CSE1L: variants seen among roughly 807,000 people sequenced by gnomAD.
The protein encoded by CSE1L is chromosome segregation 1 like.
In CSE1L, 24 loss-of-function variants were observed where a neutral mutation model predicts 120.4. That is an observed-to-expected ratio of 0.20 (90% CI 0.14 to 0.28). The LOEUF (loss-of-function observed/expected upper bound fraction) is 0.28, where lower values mean the gene tolerates loss of function less well. Among genes scored for constraint, CSE1L ranks in the 10% least tolerant of loss-of-function variants. The pLI, the probability that CSE1L is intolerant of heterozygous loss-of-function variation, is 1.00. For missense variants in CSE1L, 830 were observed against 1,145.2 expected (o/e 0.72, Z 3.97); for synonymous variants, 402 against 398.3 (o/e 1.01, Z -0.11).
chr20:49,095,899 G>GTA (rs1428032706), intron 24 of CSE1L, among the ~76,000 whole-genome samples: 1 of 151,922 alleles, frequency 6.6e-6, no homozygotes, highest in Non-Finnish European at 1.5e-5. Context: ...GTATATATAT[G>GTA]TATATATATT....
At chr20:49,069,657 T>A (rs2091917901) in intron 7 of CSE1L, among the ~76,000 whole-genome samples, 1 of 152,226 alleles carries the variant, frequency 6.6e-6, no homozygotes, top group Admixed American at 6.5e-5. Flanking sequence ...CTTACTTAAA[T>A]GAGTACTACT....
rs566354333 is a variant in CSE1L at position 49,076,964 on chromosome 20, T to C, written c.1336-16T>C. The C allele has an allele frequency of 1.7e-5, 26 of 1,553,620 alleles. No homozygotes were observed. The highest frequency in any genetic ancestry group is 1.2e-4 in the South Asian group (10 of 85,160). On this transcript the variant is annotated splice_polypyrimidine_tract_variant and intron_variant, in intron 12 of 24. Coordinates refer to ENST00000262982, the MANE Select transcript of CSE1L (RefSeq NM_001316.4). ...GGTATTTTGTTATTTTACTATGTTA[T>C]GAATTTGCTTTTCAGCATGGAATTA... is the stretch of plus-strand genomic sequence containing the variant.
In CSE1L at chr20:49,085,310, T is replaced by C; in HGVS notation, c.1647T>C (p.Phe549=). Residue 549 remains phenylalanine (F), a synonymous_variant, in exon 16 of 25, where the codon TTT becomes TTC. Transcript: ENST00000262982. ...TLFTAAEIAP[F]VEILLTNLFK... is the part of the protein sequence containing the mutation. Reference sequence around the variant, plus strand: ...TTACAGCTGCAGAAATCGCACCGTTTGTTGAGATTCTGCTAACAAACCTTT... The same window carrying C: ...TTACAGCTGCAGAAATCGCACCGTTCGTTGAGATTCTGCTAACAAACCTTT... 1 of 1,613,992 alleles carries C rather than the reference T, an allele frequency of 6.2e-7. No individual in the cohort carries two copies. Among genetic ancestry groups the C allele is most frequent in the East Asian group, 2.2e-5 (1 of 44,870 alleles).
intron 2 of CSE1L, among the ~76,000 whole-genome samples, chr20:49,062,945 T>G (rs1482646798): frequency 6.6e-6 from 1 of 151,990 alleles, no homozygotes; most frequent in South Asian, 2.1e-4. Flanking sequence ...GAGATGATCA[T>G]CCAATTAGGC....
Position 49,096,556 on chromosome 20 carries a change from TG to T in CSE1L, c.*119del, listed in dbSNP as rs2092142768. 2 of 760,390 alleles carry T rather than the reference TG, an allele frequency of 2.6e-6. No individual in the cohort carries two copies. The highest frequency in any genetic ancestry group is 4.4e-6 in the Non-Finnish European group (2 of 450,398). The allele number at this position is 760,390 out of a possible 1,614,324, so 47.1% of individuals were successfully genotyped here. ...TTTGAACTTGTCACGAATTCCATCT[TG>T]TAAAGGATATTAAATGTTGCTTTAA... is the stretch of plus-strand genomic sequence containing the variant. On this transcript the variant is annotated 3_prime_UTR_variant, in exon 25 of 25. Coordinates refer to ENST00000262982, the MANE Select transcript of CSE1L (RefSeq NM_001316.4).
At chr20:49,048,166 A>G (rs1224186149) in intron 1 of CSE1L, among the ~76,000 whole-genome samples, 3 of 83,572 alleles carry the variant, frequency 3.6e-5, no homozygotes, top group African/African-American at 1.8e-4. Flanking sequence ...TTTTTTTTTG[A>G]CATGCTTTCA....
rs766094789 is a variant in CSE1L at position 49,063,311 on chromosome 20, A to G, written c.195A>G (p.Thr65=). 2.0e-6 allele frequency: 3 copies of G among 1,530,058 alleles called. No homozygotes were observed. Among genetic ancestry groups the G allele is most frequent in the Non-Finnish European group, 2.7e-6 (3 of 1,130,562 alleles). The allele number at this position is 1,530,058 out of a possible 1,614,324, so 94.8% of individuals were successfully genotyped here. The change falls in exon 3 of 25, where the codon ACA becomes ACG. Residue 65 remains threonine (T), a synonymous_variant. Coordinates refer to ENST00000262982, the MANE Select transcript of CSE1L (RefSeq NM_001316.4). ...DNVIKVCASV[T]FKNYIKRNWR... is the part of the protein sequence containing the mutation. ...TTATCAAAGTATGTGCTTCAGTAAC[A>G]TTCAAAAACTATATTAAAAGGAACT...
Position 49,077,030 on chromosome 20 carries a change from G to T in CSE1L, c.1386G>T (p.Val462=). 6.2e-7 allele frequency: 1 copy of T among 1,607,422 alleles called. No homozygotes were observed. Among genetic ancestry groups the T allele is most frequent in the South Asian group, 1.1e-5 (1 of 89,306 alleles). Residue 462 remains valine (V), a synonymous_variant, in exon 13 of 25, where the codon GTG becomes GTT. Transcript: ENST00000262982. ...NELVNLTEFF[V]NHILPDLKSA... ...TTGTAAACCTAACTGAGTTCTTTGT[G>T]AATCACATCCTCCCTGATTTAAAAT...
chr20:49,049,168 G>A (rs2091744946), intron 1 of CSE1L, among the ~76,000 whole-genome samples: 1 of 152,002 alleles, frequency 6.6e-6, no homozygotes, highest in African/African-American at 2.4e-5. Flanking sequence ...GTTACGTGGA[G>A]AAAGAAAAGT....
chr20:49,087,753 C>T (rs1340781568), intron 16 of CSE1L, among the ~76,000 whole-genome samples: 1 of 152,140 alleles, frequency 6.6e-6, no homozygotes, highest in East Asian at 1.9e-4. Context: ...TCTTAGTCAA[C>T]CTCTTTAATT....
intron 12 of CSE1L, among the ~76,000 whole-genome samples, chr20:49,076,199 TG>T (rs2091967128): frequency 6.6e-6 from 1 of 150,942 alleles, no homozygotes; most frequent in African/African-American, 2.4e-5. Context: ...TGTTTTGTTT[TG>T]TTTTGAGACG....
rs200689109 is a variant in CSE1L at position 49,074,222 on chromosome 20, C to CTTT, written c.1067-551_1067-549dup. 1.7e-5 allele frequency among the ~76,000 whole-genome samples: 2 copies of CTTT among 121,066 alleles called. 1 individual carries two copies. The highest frequency in any genetic ancestry group is 5.0e-4 in the East Asian group (2 of 4,040). 79.4% of individuals were successfully genotyped at this position (121,066 alleles called of 152,430 possible). A position where few individuals can be genotyped will look rare whatever the true frequency, so the allele number is the denominator to read the frequency against. On this transcript the variant is annotated intron_variant, in intron 10 of 24. Transcript: ENST00000262982. ...GTGTGTGTGTGTGTGTGTGTGTAGA[C>CTTT]TTTTTTTTTTTTTTAATTTATATGA...
chr20:49,096,468 A>G lies in CSE1L; in HGVS notation c.*30A>G, dbSNP rs778326554. On this transcript the variant is annotated 3_prime_UTR_variant, in exon 25 of 25. Transcript: ENST00000262982. ...CATTTTTCTAATGGGCTAAACCCAG[A>G]TGGTTTCCTAGGAAATCACAGGCTT... is the stretch of plus-strand genomic sequence containing the variant. The G allele has an allele frequency of 3.9e-6, 6 of 1,531,344 alleles. No homozygotes were observed. The highest frequency in any genetic ancestry group is 3.4e-5 in the South Asian group (3 of 89,364). The allele number at this position is 1,531,344 out of a possible 1,614,324, so 94.9% of individuals were successfully genotyped here.
chr20:49,087,273 C>A (rs6125539), intron 16 of CSE1L, among the ~76,000 whole-genome samples: 47,866 of 150,880 alleles, frequency 0.32, 8,955 homozygotes, highest in Middle Eastern at 0.47. Flanking sequence ...GTTTTCTCTT[C>A]AGTTTCCTGT....
At chr20:49,070,907 A>C (rs1338191723) in intron 8 of CSE1L, among the ~76,000 whole-genome samples, 1 of 152,226 alleles carries the variant, frequency 6.6e-6, no homozygotes, top group East Asian at 1.9e-4. Flanking sequence ...ATGCCACTGC[A>C]CTCCAGCCTG....
chr20:49,050,236 G>A (rs1377204125), intron 1 of CSE1L, among the ~76,000 whole-genome samples: 1 of 113,736 alleles, frequency 8.8e-6, no homozygotes, highest in Non-Finnish European at 1.9e-5. Flanking sequence ...TTTTATTTTT[G>A]GAGACAGGGT....
intron 7 of CSE1L, among the ~76,000 whole-genome samples, 192 bp from the exon 8 acceptor site, chr20:49,070,013 A>T (rs1304768490): frequency 6.6e-6 from 1 of 152,228 alleles, no homozygotes; most frequent in African/African-American, 2.4e-5. Flanking sequence ...ATAGCATACA[A>T]ACAGAGGCAG....
chr20:49,091,031 AATC>A lies in CSE1L; in HGVS notation c.2365+13_2365+15del. The A allele has an allele frequency of 1.3e-6, 2 of 1,519,198 alleles. No individual in the cohort carries two copies. The highest frequency in any genetic ancestry group is 1.8e-6 in the Non-Finnish European group (2 of 1,095,988). The allele number at this position is 1,519,198 out of a possible 1,614,324, so 94.1% of individuals were successfully genotyped here. Reference sequence around the variant, plus strand: ...AACCAAGTTTATCAAGAGTAAGTAAAATCATCTGGATGTTCTACAGAAGTAATG... The same window carrying A: ...AACCAAGTTTATCAAGAGTAAGTAAAATCTGGATGTTCTACAGAAGTAATG... On this transcript the variant is annotated intron_variant, in intron 21 of 24. Transcript: ENST00000262982.
At chr20:49,070,446 G>A (rs3818225) in intron 8 of CSE1L, 149 bp downstream of exon 8, 4 of 537,210 alleles carry the variant, frequency 7.4e-6, no homozygotes, top group South Asian at 6.9e-5. Context: ...TTACATGTTT[G>A]GTGTGTGTAG....
Sources: gnomAD v4.1 joint callset for allele counts (sites outside exome capture counted in the v4.1 genomes callset) on GRCh38, gnomAD v4.1.1 for gene constraint, MANE v1.5 for transcripts, NCBI Gene and HGNC (gene_info 2026-07-23, HGNC 2026-07-21) for gene names.